Variants in CDH6 observed in about 807,000 individuals in gnomAD.
The protein encoded by CDH6 is cadherin-6.
Under a neutral mutation model 78.0 loss-of-function variants are expected in CDH6, and 31 were observed. The ratio of observed to expected loss-of-function variants is 0.40; its 90% CI spans 0.30 to 0.54. The LOEUF is 0.54. Ranked by LOEUF, CDH6 falls within the 20% of genes least tolerant of loss-of-function variation. CDH6 has a pLI of 0.56. For missense variants in CDH6, 724 were observed against 975.9 expected (o/e 0.74, Z 3.44); for synonymous variants, 376 against 368.8 (o/e 1.02, Z -0.23).
At chr5:31,251,499 A>G (rs1741907587) in intron 1 of CDH6, 1 of 152,222 alleles carries the variant, frequency 6.6e-6, no homozygotes, top group African/African-American at 2.4e-5. Context: ...AAGCAGGTAG[A>G]TGTCTAGAAT....
At chr5:31,303,243 A>C (rs893449384) in intron 6 of CDH6, among the ~76,000 whole-genome samples, 8 of 152,172 alleles carry the variant, frequency 5.3e-5, no homozygotes, top group Non-Finnish European at 1.2e-4. Context: ...CCCTCATGAT[A>C]CTTCCAGTCT....
At chr5:31,273,280 A>T (rs1253079693) in intron 2 of CDH6, among the ~76,000 whole-genome samples, 2 of 152,042 alleles carry the variant, frequency 1.3e-5, no homozygotes, top group Non-Finnish European at 2.9e-5. Flanking sequence ...AAGAATAGAA[A>T]CCTCCTGGCA....
intron 2 of CDH6, among the ~76,000 whole-genome samples, chr5:31,271,039 C>T (rs1288124171): frequency 6.6e-6 from 1 of 152,158 alleles, no homozygotes; most frequent in Admixed American, 6.5e-5. Flanking sequence ...TCACTCAGAG[C>T]TTAACATGGG....
rs1738648464 is a variant in CDH6 at position 31,327,544 on chromosome 5, AAATTAAC to A, written c.*4238_*4244del. ...AAAATCCAAGCAGTCTACTGTGTTT[AAATTAAC>A]ACCACAACCTTCCTTATCAGATTAT... On this transcript the variant is annotated 3_prime_UTR_variant, in exon 12 of 12. Transcript: ENST00000265071. 1.0e-5 allele frequency: 2 copies of A among 193,818 alleles called. No homozygotes were observed. Among genetic ancestry groups the A allele is most frequent in the African/African-American group, 4.6e-5 (2 of 43,298 alleles). 12.0% of individuals were successfully genotyped at this position (193,818 alleles called of 1,614,324 possible). A position where few individuals can be genotyped will look rare whatever the true frequency, so the allele number is the denominator to read the frequency against.
chr5:31,321,310 A>C (rs1579917510), intron 11 of CDH6, among the ~76,000 whole-genome samples: 1 of 152,318 alleles, frequency 6.6e-6, no homozygotes, highest in South Asian at 2.1e-4. Flanking sequence ...GGGTGCATAC[A>C]ACTACAAAAC....
At chr5:31,315,186 C>A (rs964632727) in intron 8 of CDH6, among the ~76,000 whole-genome samples, 1 of 152,118 alleles carries the variant, frequency 6.6e-6, no homozygotes, top group African/African-American at 2.4e-5. Flanking sequence ...TCTCTCAATC[C>A]TTTTTCCCTA....
intron 1 of CDH6, among the ~76,000 whole-genome samples, chr5:31,262,586 GTTTC>G: frequency 6.6e-6 from 1 of 152,208 alleles, no homozygotes; most frequent in East Asian, 1.9e-4. Context: ...AGTTGTTCAT[GTTTC>G]TAATTGGTTG....
intron 2 of CDH6, among the ~76,000 whole-genome samples, chr5:31,274,192 T>A (rs553511655): frequency 6.6e-6 from 1 of 152,352 alleles, no homozygotes; most frequent in East Asian, 1.9e-4. Flanking sequence ...TTGGCAATAA[T>A]CCTCATTTGT....
rs1014398832 is a variant in CDH6, at chr5:31,299,552, G to A, written c.732G>A (p.Gln244=). Residue 244 remains glutamine, a synonymous_variant, in exon 5 of 12, where the codon CAG becomes CAA. Transcript: ENST00000265071. ...VVIQAKDMGG[Q]MGGLSGTTTV... Reference sequence around the variant, plus strand: ...TTCAAGCCAAGGATATGGGCGGCCAGATGGGAGGATTATCTGGGACCACCA... The same window carrying A: ...TTCAAGCCAAGGATATGGGCGGCCAAATGGGAGGATTATCTGGGACCACCA... The A allele has an allele frequency of 1.9e-6, 3 of 1,613,874 alleles. No homozygotes were observed. Among genetic ancestry groups the A allele is most frequent in the East Asian group, 2.2e-5 (1 of 44,876 alleles).
At chr5:31,283,901 G>A (rs906879624) in intron 2 of CDH6, among the ~76,000 whole-genome samples, 4 of 151,554 alleles carry the variant, frequency 2.6e-5, no homozygotes, top group Non-Finnish European at 5.9e-5. Context: ...TGCAACCTCC[G>A]CCTCCTGGGT....
chr5:31,271,219 A>G (rs1212963637), intron 2 of CDH6, among the ~76,000 whole-genome samples: 1 of 152,218 alleles, frequency 6.6e-6, no homozygotes, highest in Non-Finnish European at 1.5e-5. Context: ...ATTTGTGATA[A>G]GTCATCGTAG....
At chr5:31,258,941 G>A (rs1287853383) in intron 1 of CDH6, among the ~76,000 whole-genome samples, 1 of 152,142 alleles carries the variant, frequency 6.6e-6, no homozygotes, top group Non-Finnish European at 1.5e-5. Context: ...CATGAATTGG[G>A]ATCTGGCTTT....
At chr5:31,206,149 T>C (rs1282174444) in intron 1 of CDH6, among the ~76,000 whole-genome samples, 3 of 122,808 alleles carry the variant, frequency 2.4e-5, no homozygotes, top group South Asian at 3.1e-4. Flanking sequence ...GATAGATAGA[T>C]AGATGATAGA....
chr5:31,296,821 C>G (rs1428149950), intron 3 of CDH6, among the ~76,000 whole-genome samples: 4 of 152,038 alleles, frequency 2.6e-5, no homozygotes, highest in African/African-American at 9.7e-5. Flanking sequence ...TCTAAGATCA[C>G]AAAATAGCTG....
chr5:31,211,033 A>G (rs993951991), intron 1 of CDH6, among the ~76,000 whole-genome samples: 1 of 152,204 alleles, frequency 6.6e-6, no homozygotes, highest in Non-Finnish European at 1.5e-5. Flanking sequence ...AATACTAATT[A>G]TTTGAAGGAC....
intron 1 of CDH6, among the ~76,000 whole-genome samples, chr5:31,257,091 AT>A (rs1488400746): frequency 6.6e-5 from 10 of 152,232 alleles, no homozygotes; most frequent in Admixed American, 6.5e-4. Flanking sequence ...GTTCAAGGTC[AT>A]TTTTATGAAT....
chr5:31,266,733 T>C (rs1416505344), intron 1 of CDH6, among the ~76,000 whole-genome samples: 1 of 152,212 alleles, frequency 6.6e-6, no homozygotes, highest in African/African-American at 2.4e-5. Context: ...TTAAAAACTT[T>C]ATTTCAGGCA....
In CDH6 at chr5:31,209,040, G is replaced by A. The variant is rs138087341; in HGVS notation, c.-129+15154G>A. Among the ~76,000 whole-genome samples, 182 of 152,304 alleles carry A rather than the reference G, an allele frequency of 1.2e-3. 2 individuals are homozygous for A. The Middle Eastern group carries it at 0.02, about 17-fold the overall frequency. On this transcript the variant is annotated intron_variant, in intron 1 of 11. Coordinates refer to ENST00000265071, the MANE Select transcript of CDH6 (RefSeq NM_004932.4). ...AAGGTTGTGAGATGAAGTGGGAGAG[G>A]TCTGGATGATTTCCCTTATAATTCC...
intron 9 of CDH6, 143 bp downstream of exon 9, chr5:31,316,472 A>T: frequency 1.5e-6 from 1 of 677,814 alleles, no homozygotes. Context: ...ATAAATAAGA[A>T]CCAGGACTTA....
Sources: gnomAD v4.1 joint callset for allele counts (sites outside exome capture counted in the v4.1 genomes callset) on GRCh38, gnomAD v4.1.1 for gene constraint, MANE v1.5 for transcripts, NCBI Gene and HGNC (gene_info 2026-07-23, HGNC 2026-07-21) for gene names.